The following ACAP2 variants were observed in gnomAD, a reference collection of about 807,000 sequenced individuals.
ACAP2 encodes ArfGAP with coiled-coil, ankyrin repeat and PH domains 2.
A neutral mutation model predicts 115.8 loss-of-function variants in ACAP2; 39 were observed. That is an observed-to-expected ratio of 0.34 (90% CI 0.26 to 0.44). The LOEUF (loss-of-function observed/expected upper bound fraction) is 0.44, where lower values mean the gene tolerates loss of function less well. ACAP2 is among the 20% of genes least tolerant of loss of function. The pLI, the probability that ACAP2 is intolerant of heterozygous loss-of-function variation, is 1.00. For synonymous variants in ACAP2, 289 were observed against 315.8 expected (o/e 0.92, Z 0.90); for missense variants, 662 against 927.6 (o/e 0.71, Z 3.72).
intron 1 of ACAP2, among the ~76,000 whole-genome samples, chr3:195,421,370 C>T (rs989537951): frequency 3.3e-5 from 5 of 152,144 alleles, no homozygotes; most frequent in African/African-American, 1.2e-4. Context: ...TGAAAACATT[C>T]ATAATATAGA....
chr3:195,336,406 T>C (rs1397812641), intron 7 of ACAP2: 2 of 152,494 alleles, frequency 1.3e-5, no homozygotes, highest in African/African-American at 4.8e-5. Flanking sequence ...ATACTATTCA[T>C]ATAAATCCTC....
chr3:195,294,607 AATTATATAT>A (rs1273050364), intron 18 of ACAP2, 103 bp downstream of exon 18: 2 of 58,006 alleles, frequency 3.4e-5, no homozygotes, highest in African/African-American at 6.2e-5. Context: ...AAAAAAAAAA[AATTATATAT>A]ATATATATAT....
chr3:195,359,906 A>C (rs1308897268), intron 4 of ACAP2, among the ~76,000 whole-genome samples: 3 of 152,248 alleles, frequency 2.0e-5, no homozygotes, highest in African/African-American at 7.2e-5. Flanking sequence ...CAAAAAATAA[A>C]AAGCAAGAAA....
chr3:195,317,886 A>G (rs1286776750), intron 10 of ACAP2, among the ~76,000 whole-genome samples: 2 of 145,860 alleles, frequency 1.4e-5, no homozygotes, highest in Non-Finnish European at 3.0e-5. Flanking sequence ...AAAGGGCAGG[A>G]AAAAAAAAAG....
intron 13 of ACAP2, among the ~76,000 whole-genome samples, chr3:195,305,297 C>CA (rs1206146193): frequency 6.6e-6 from 1 of 152,082 alleles, no homozygotes; most frequent in African/African-American, 2.4e-5. Context: ...AAATACAGAG[C>CA]AACTGGAGAG....
intron 4 of ACAP2, among the ~76,000 whole-genome samples, chr3:195,366,619 C>A (rs1268417500): frequency 1.3e-5 from 2 of 152,216 alleles, no homozygotes; most frequent in Admixed American, 6.5e-5. Flanking sequence ...AAACAATCCA[C>A]TGTTTCTTAA....
chr3:195,358,410 G>A (rs1464260782), intron 4 of ACAP2, among the ~76,000 whole-genome samples: 1 of 152,050 alleles, frequency 6.6e-6, no homozygotes, highest in Non-Finnish European at 1.5e-5. Flanking sequence ...GGGCAAATCG[G>A]AGCAATGGAG....
chr3:195,294,604 AAAAATTATAT>A (rs1560209688), intron 18 of ACAP2, 105 bp downstream of exon 18: 10 of 80,992 alleles, frequency 1.2e-4, no homozygotes, highest in South Asian at 6.2e-4. Context: ...AAAAAAAAAA[AAAAATTATAT>A]ATATATATAT....
Position 195,278,990 on chromosome 3 carries a change from A to G in ACAP2, c.*338T>C, listed in dbSNP as rs899285970. Reference sequence around the variant, plus strand: ...GATCCTGGGCAAGATGCATGGAGGAAAAAAATCAATGCCACCACCCATTGG... The same window carrying G: ...GATCCTGGGCAAGATGCATGGAGGAGAAAAATCAATGCCACCACCCATTGG... On this transcript the variant is annotated 3_prime_UTR_variant, in exon 23 of 23. Coordinates refer to ENST00000326793, the MANE Select transcript of ACAP2 (RefSeq NM_012287.6). 3 of 175,782 alleles carry G rather than the reference A, an allele frequency of 1.7e-5. No homozygotes were observed. The highest frequency in any genetic ancestry group is 7.2e-5 in the African/African-American group (3 of 41,958). The allele number at this position is 175,782 out of a possible 1,614,324, so 10.9% of individuals were successfully genotyped here. A position where few individuals can be genotyped will look rare whatever the true frequency, so the allele number is the denominator to read the frequency against.
chr3:195,391,523 G>C (rs1734676283), intron 2 of ACAP2, among the ~76,000 whole-genome samples: 1 of 151,870 alleles, frequency 6.6e-6, no homozygotes. Context: ...ACCACACCTG[G>C]CCCCAGAAAA....
intron 1 of ACAP2, among the ~76,000 whole-genome samples, chr3:195,395,083 A>T (rs78089179): frequency 0.023 from 3,275 of 145,400 alleles, 142 homozygotes; most frequent in East Asian, 0.1. Context: ...TAAAAAACTA[A>T]TAAGTGAAAT....
At chr3:195,431,443 CT>C (rs1715116155) in intron 1 of ACAP2, among the ~76,000 whole-genome samples, 1 of 151,420 alleles carries the variant, frequency 6.6e-6, no homozygotes, top group African/African-American at 2.4e-5. Flanking sequence ...TTTAACTTTT[CT>C]TTTTTTTCCC....
chr3:195,365,604 C>A (rs561878467), intron 4 of ACAP2, among the ~76,000 whole-genome samples: 31 of 151,988 alleles, frequency 2.0e-4, no homozygotes, highest in African/African-American at 7.5e-4. Context: ...ACTCAGCTAC[C>A]ATAGCACTCT....
intron 2 of ACAP2, among the ~76,000 whole-genome samples, chr3:195,388,205 C>T (rs1411244375): frequency 1.3e-5 from 2 of 152,200 alleles, no homozygotes; most frequent in East Asian, 3.9e-4. Context: ...ACTATAACAG[C>T]TTAAATCAGA....
chr3:195,325,414 ATTTTTTTTTT>A (rs746254101), intron 9 of ACAP2: 10 of 321,588 alleles, frequency 3.1e-5, no homozygotes, highest in Admixed American at 1.8e-4. Flanking sequence ...TAGTGGACTG[ATTTTTTTTTT>A]TTTTTTTTTT....
intron 21 of ACAP2, among the ~76,000 whole-genome samples, chr3:195,287,702 C>A (rs1015034150): frequency 6.6e-6 from 1 of 152,208 alleles, no homozygotes; most frequent in Non-Finnish European, 1.5e-5. Flanking sequence ...ATCAATGCAA[C>A]TATCCTGCCT....
chr3:195,418,020 T>A (rs1274939499), intron 1 of ACAP2, among the ~76,000 whole-genome samples: 2 of 152,266 alleles, frequency 1.3e-5, no homozygotes, highest in Middle Eastern at 3.4e-3. Context: ...CAGTCCTTAA[T>A]GTGACTCAAA....
At chr3:195,306,958 G>T (rs1018217705) in intron 12 of ACAP2, 1 of 349,416 alleles carries the variant, frequency 2.9e-6, no homozygotes, top group Non-Finnish European at 5.1e-6. Context: ...AAACTCATAT[G>T]ATTTCAATTC....
At chr3:195,306,140 G>C (rs1728405385) in intron 13 of ACAP2, among the ~76,000 whole-genome samples, 1 of 152,044 alleles carries the variant, frequency 6.6e-6, no homozygotes, top group Non-Finnish European at 1.5e-5. Context: ...CTTCACCTAA[G>C]AGACAATATT....
Sources: allele counts gnomAD v4.1 joint callset (sites outside exome capture counted in the v4.1 genomes callset), GRCh38; gene constraint gnomAD v4.1.1; transcripts MANE v1.5; gene names NCBI Gene and HGNC (gene_info 2026-07-23, HGNC 2026-07-21).